AKT3: variants seen among roughly 807,000 people sequenced by gnomAD.
AKT3 encodes the protein RAC-gamma serine/threonine-protein kinase.
Under a neutral mutation model 65.3 loss-of-function variants are expected in AKT3, and 15 were observed. The ratio of observed to expected loss-of-function variants is 0.23; its 90% CI spans 0.15 to 0.35. The LOEUF (loss-of-function observed/expected upper bound fraction) is 0.35. Ranked by LOEUF, AKT3 falls within the 10% of genes least tolerant of loss-of-function variation. The pLI, the probability that AKT3 is intolerant of heterozygous loss-of-function variation, is 1.00. For missense variants in AKT3, 243 were observed against 576.5 expected (o/e 0.42, Z 5.92); for synonymous variants, 206 against 183.8 (o/e 1.12, Z -0.98).
chr1:243,537,700 T>C (rs1672026159), intron 12 of AKT3, among the ~76,000 whole-genome samples: 1 of 152,186 alleles, frequency 6.6e-6, no homozygotes, highest in African/African-American at 2.4e-5. Context: ...TCTACAGTTC[T>C]GTTAAGTGGA....
intron 13 of AKT3, among the ~76,000 whole-genome samples, chr1:243,508,092 C>G (rs1669782840): frequency 6.6e-6 from 1 of 152,232 alleles, no homozygotes; most frequent in South Asian, 2.1e-4. Flanking sequence ...TGTGTGTTAG[C>G]ACTTAGGGAG....
At chr1:243,670,316 A>G in intron 3 of AKT3, among the ~76,000 whole-genome samples, 1 of 152,338 alleles carries the variant, frequency 6.6e-6, no homozygotes, top group South Asian at 2.1e-4. Context: ...GTACAAAACA[A>G]ATGTAATTTA....
At chr1:243,666,490 TC>T (rs1682790709) in intron 3 of AKT3, among the ~76,000 whole-genome samples, 1 of 152,228 alleles carries the variant, frequency 6.6e-6, no homozygotes, top group African/African-American at 2.4e-5. Flanking sequence ...AGTGAATATT[TC>T]TACCTGGTTG....
chr1:243,519,842 C>T (rs1302227380), intron 12 of AKT3, among the ~76,000 whole-genome samples: 1 of 152,140 alleles, frequency 6.6e-6, no homozygotes, highest in Non-Finnish European at 1.5e-5. Context: ...AAAGACTGCA[C>T]TGATATAGGT....
intron 6 of AKT3, among the ~76,000 whole-genome samples, chr1:243,616,924 C>T (rs1173884128): frequency 1.3e-5 from 2 of 152,114 alleles, no homozygotes; most frequent in Non-Finnish European, 2.9e-5. Flanking sequence ...AATGTCATAT[C>T]GTACTATAGT....
At chr1:243,582,226 G>C (rs182705107) in intron 8 of AKT3, among the ~76,000 whole-genome samples, 5 of 151,864 alleles carry the variant, frequency 3.3e-5, no homozygotes, top group African/African-American at 7.2e-5. Flanking sequence ...CAGATATCCA[G>C]ATACAAGAAA....
At chr1:243,562,655 C>T (rs1322858724) in intron 10 of AKT3, among the ~76,000 whole-genome samples, 1 of 152,026 alleles carries the variant, frequency 6.6e-6, no homozygotes, top group Non-Finnish European at 1.5e-5. Context: ...TGAGGAAGTC[C>T]AGACTCATGG....
intron 2 of AKT3, among the ~76,000 whole-genome samples, chr1:243,745,362 G>A (rs1292821997): frequency 2.6e-5 from 4 of 152,052 alleles, no homozygotes; most frequent in African/African-American, 7.2e-5. Context: ...AGAGTATTGG[G>A]CATATCAATT....
At chr1:243,636,830 T>C (rs551325099) in intron 6 of AKT3, among the ~76,000 whole-genome samples, 5 of 152,216 alleles carry the variant, frequency 3.3e-5, no homozygotes, top group South Asian at 2.1e-4. Flanking sequence ...AATAGGGGCA[T>C]TGACTTGTAA....
At chr1:243,677,485 T>A (rs974413070) in intron 3 of AKT3, among the ~76,000 whole-genome samples, 9 of 152,016 alleles carry the variant, frequency 5.9e-5, no homozygotes, top group Admixed American at 5.9e-4. Context: ...CACAACTTAT[T>A]TTTTTCTCAT....
chr1:243,666,405 T>A (rs1220380943), intron 3 of AKT3, among the ~76,000 whole-genome samples: 1 of 152,198 alleles, frequency 6.6e-6, no homozygotes, highest in African/African-American at 2.4e-5. Context: ...CAATCATCTC[T>A]CAGTTTACCA....
intron 6 of AKT3, among the ~76,000 whole-genome samples, chr1:243,621,635 T>C (rs1160882219): frequency 2.0e-5 from 3 of 152,220 alleles, no homozygotes; most frequent in Non-Finnish European, 4.4e-5. Flanking sequence ...CATGGATGTA[T>C]AATCAGTGAC....
At chr1:243,702,501 C>A (rs1274967485) in intron 2 of AKT3, among the ~76,000 whole-genome samples, 1 of 152,018 alleles carries the variant, frequency 6.6e-6, no homozygotes, top group Non-Finnish European at 1.5e-5. Context: ...TGTAAAAAGC[C>A]CTTAGAACAT....
chr1:243,790,506 T>C (rs1432072391), intron 2 of AKT3, among the ~76,000 whole-genome samples: 2 of 152,240 alleles, frequency 1.3e-5, no homozygotes, highest in African/African-American at 4.8e-5. Flanking sequence ...GGAAATGTTG[T>C]GGCTGGTTTG....
At chr1:243,757,898 C>T (rs1689238344) in intron 2 of AKT3, among the ~76,000 whole-genome samples, 3 of 151,952 alleles carry the variant, frequency 2.0e-5, no homozygotes, top group African/African-American at 4.8e-5. Flanking sequence ...GTAGCTGGGA[C>T]TACAGGTACA....
chr1:243,546,055 A>C (rs1558604481), intron 11 of AKT3, among the ~76,000 whole-genome samples: 1 of 152,122 alleles, frequency 6.6e-6, no homozygotes, highest in Non-Finnish European at 1.5e-5. Context: ...ACCAGGTGGG[A>C]GGTAACTGAA....
At chr1:243,597,898 T>C (rs551056235) in intron 8 of AKT3, among the ~76,000 whole-genome samples, 3 of 152,372 alleles carry the variant, frequency 2.0e-5, no homozygotes, top group African/African-American at 7.2e-5. Context: ...AAGAACTTTT[T>C]TGACAGAATT....
chr1:243,747,227 T>C (rs1314181585), intron 2 of AKT3, among the ~76,000 whole-genome samples: 1 of 152,052 alleles, frequency 6.6e-6, no homozygotes, highest in Non-Finnish European at 1.5e-5. Context: ...AAAAGAAATA[T>C]AGGATATTAT....
At chr1:243,770,586 T>C (rs886907707) in intron 2 of AKT3, among the ~76,000 whole-genome samples, 5 of 152,132 alleles carry the variant, frequency 3.3e-5, no homozygotes, top group Non-Finnish European at 7.4e-5. Flanking sequence ...GAATCCTTTG[T>C]ATCACCAAAA....
Sources: allele counts gnomAD v4.1 joint callset (sites outside exome capture counted in the v4.1 genomes callset), GRCh38; gene constraint gnomAD v4.1.1; transcripts MANE v1.5; gene names NCBI Gene and HGNC (gene_info 2026-07-23, HGNC 2026-07-21).